BCKDHB: variants seen among roughly 807,000 people sequenced by gnomAD.
BCKDHB encodes branched chain keto acid dehydrogenase E1 subunit beta.
BCKDHB carries 41 observed loss-of-function variants against 48.5 expected under a neutral mutation model. The ratio of observed to expected loss-of-function variants is 0.85; its 90% CI spans 0.66 to 1.10. BCKDHB has a LOEUF of 1.10. Ranked by LOEUF, BCKDHB falls within the 50% of genes least tolerant of loss-of-function variation. The pLI, the probability that BCKDHB is intolerant of heterozygous loss-of-function variation, is 0.00. For synonymous variants in BCKDHB, 201 were observed against 174.8 expected (o/e 1.15, Z -1.18); for missense variants, 496 against 494.2 (o/e 1.00, Z -0.03).
intron 8 of BCKDHB, among the ~76,000 whole-genome samples, chr6:80,262,055 G>A (rs1373392642): frequency 6.6e-6 from 1 of 152,160 alleles, no homozygotes; most frequent in Non-Finnish European, 1.5e-5. Flanking sequence ...GATCTCTGGT[G>A]TAGAAGCTCT....
At chr6:80,154,582 T>C (rs1439820680) in intron 3 of BCKDHB, among the ~76,000 whole-genome samples, 1 of 152,120 alleles carries the variant, frequency 6.6e-6, no homozygotes, top group African/African-American at 2.4e-5. Flanking sequence ...AATCTAGTAA[T>C]TGATAATAGT....
At chr6:80,398,635 T>G in the BCKDHB span, among the ~76,000 whole-genome samples, 1 of 151,408 alleles carries the variant, frequency 6.6e-6, no homozygotes, top group East Asian at 1.9e-4. Flanking sequence ...AAAGACAGAT[T>G]CACAGTCAAA....
chr6:80,137,579 A>G (rs888805018), intron 3 of BCKDHB, among the ~76,000 whole-genome samples: 1 of 152,176 alleles, frequency 6.6e-6, no homozygotes, highest in Admixed American at 6.6e-5. Flanking sequence ...GATATTTAAT[A>G]TATTTTGTAG....
At chr6:80,400,019 GC>G in the BCKDHB span, among the ~76,000 whole-genome samples, 1 of 152,032 alleles carries the variant, frequency 6.6e-6, no homozygotes, top group Non-Finnish European at 1.5e-5. Context: ...GGGATAATTG[GC>G]TAGCCACATG....
At chr6:80,138,851 A>C (rs2127738916) in intron 3 of BCKDHB, among the ~76,000 whole-genome samples, 1 of 152,274 alleles carries the variant, frequency 6.6e-6, no homozygotes, top group East Asian at 1.9e-4. Context: ...TGGTATTTCT[A>C]GTTCTAGATC....
chr6:80,205,903 C>T (rs555537584), intron 8 of BCKDHB, among the ~76,000 whole-genome samples: 1 of 149,966 alleles, frequency 6.7e-6, no homozygotes, highest in African/African-American at 2.5e-5. Context: ...ATGTTGACAC[C>T]GATGACCTAT....
chr6:80,368,989 G>T, the BCKDHB span, among the ~76,000 whole-genome samples: 2 of 134,372 alleles, frequency 1.5e-5, no homozygotes, highest in Admixed American at 7.1e-5. Context: ...CTCCAGCTTG[G>T]GTGACAGAGT....
intron 3 of BCKDHB, among the ~76,000 whole-genome samples, chr6:80,152,230 G>A (rs1771820815): frequency 6.6e-6 from 1 of 150,680 alleles, no homozygotes; most frequent in South Asian, 2.2e-4. Context: ...CATTTTTATT[G>A]TGTATTCCTC....
At chr6:80,451,946 A>T in the BCKDHB span, among the ~76,000 whole-genome samples, 1 of 152,172 alleles carries the variant, frequency 6.6e-6, no homozygotes, top group African/African-American at 2.4e-5. Flanking sequence ...CTGTGATGTC[A>T]AATAATCCCC....
intron 9 of BCKDHB, among the ~76,000 whole-genome samples, chr6:80,290,362 C>T (rs1402812824): frequency 1.3e-5 from 2 of 152,144 alleles, no homozygotes; most frequent in Non-Finnish European, 2.9e-5. Flanking sequence ...GCCTGAAACA[C>T]CTAACAAAAG....
chr6:80,343,591 T>A, intron 9 of BCKDHB, 73 bp from the exon 10 acceptor site: 2 of 1,482,550 alleles, frequency 1.3e-6, no homozygotes, highest in Non-Finnish European at 1.9e-6. Flanking sequence ...AAGTGAAATA[T>A]TTTAAGTTGC....
chr6:80,367,350 A>C, the BCKDHB span, among the ~76,000 whole-genome samples: 1 of 152,214 alleles, frequency 6.6e-6, no homozygotes, highest in African/African-American at 2.4e-5. Context: ...CAAATTTAAA[A>C]GCATTTAACT....
At chr6:80,334,877 C>T (rs1030653465) in intron 9 of BCKDHB, among the ~76,000 whole-genome samples, 2 of 151,706 alleles carry the variant, frequency 1.3e-5, no homozygotes, top group African/African-American at 4.8e-5. Flanking sequence ...ATATTTCAGT[C>T]ATCATTTTTT....
chr6:80,456,441 C>A, the BCKDHB span, among the ~76,000 whole-genome samples: 1 of 152,088 alleles, frequency 6.6e-6, no homozygotes, highest in East Asian at 1.9e-4. Context: ...TTCCTAGCTC[C>A]CAGATTTCTG....
chr6:80,362,065 G>A, the BCKDHB span, among the ~76,000 whole-genome samples: 40 of 152,262 alleles, frequency 2.6e-4, no homozygotes, highest in African/African-American at 9.6e-4. Flanking sequence ...GCTTCAAAAT[G>A]AGATTCTGAC....
intron 3 of BCKDHB, among the ~76,000 whole-genome samples, chr6:80,130,690 A>C (rs769115211): frequency 6.6e-6 from 1 of 152,250 alleles, no homozygotes; most frequent in Non-Finnish European, 1.5e-5. Context: ...AAAATTTGGA[A>C]AATATAGAAA....
intron 3 of BCKDHB, among the ~76,000 whole-genome samples, chr6:80,165,392 T>TA (rs1230074046): frequency 6.6e-6 from 1 of 152,210 alleles, no homozygotes; most frequent in Admixed American, 6.5e-5. Context: ...TGCAGCTGCT[T>TA]ATAGCCTGGC....
At chr6:80,271,944 G>A (rs1777763555) in intron 8 of BCKDHB, among the ~76,000 whole-genome samples, 1 of 150,538 alleles carries the variant, frequency 6.6e-6, no homozygotes, top group African/African-American at 2.4e-5. Context: ...GAATATTTTT[G>A]TCTTTTTATA....
At chr6:80,328,469 T>C (rs1199952423) in intron 9 of BCKDHB, among the ~76,000 whole-genome samples, 1 of 152,198 alleles carries the variant, frequency 6.6e-6, no homozygotes, top group Non-Finnish European at 1.5e-5. Flanking sequence ...GTTTTGTCAT[T>C]CTTTAGTTTT....
Sources: gnomAD v4.1 joint callset for allele counts (sites outside exome capture counted in the v4.1 genomes callset) on GRCh38, gnomAD v4.1.1 for gene constraint, MANE v1.5 for transcripts, NCBI Gene and HGNC (gene_info 2026-07-23, HGNC 2026-07-21) for gene names.